Variants in ZNF827 observed in about 807,000 individuals in gnomAD.
ZNF827 encodes zinc finger protein 827.
Under a neutral mutation model 102.4 loss-of-function variants are expected in ZNF827, and 13 were observed. The ratio of observed to expected loss-of-function variants is 0.13; its 90% confidence interval spans 0.08 to 0.20. The LOEUF is 0.20. Ranked by LOEUF, ZNF827 falls within the 10% of genes least tolerant of loss-of-function variation. ZNF827 has a pLI of 1.00. For missense variants in ZNF827, 1,103 were observed against 1,344.4 expected, an observed-to-expected ratio of 0.82 and a Z score of 2.81; for synonymous variants, 523 against 536.2, an observed-to-expected ratio of 0.98 and a Z score of 0.34.
intron 2 of ZNF827, among the ~76,000 whole-genome samples, chr4:145,900,335 T>A (rs1200210858): frequency 6.6e-6 from 1 of 152,174 alleles, no homozygotes; most frequent in Non-Finnish European, 1.5e-5. Flanking sequence ...TCCAGATGAA[T>A]TGTATACTAG....
intron 3 of ZNF827, among the ~76,000 whole-genome samples, chr4:145,886,451 T>C (rs1750127778): frequency 6.6e-6 from 1 of 152,208 alleles, no homozygotes; most frequent in Non-Finnish European, 1.5e-5. Context: ...TCTCAGTTGA[T>C]GTCTTCAGAG....
intron 8 of ZNF827, among the ~76,000 whole-genome samples, chr4:145,792,721 T>C (rs1739882855): frequency 6.6e-6 from 1 of 152,082 alleles, no homozygotes; most frequent in Non-Finnish European, 1.5e-5. Flanking sequence ...ACAGATAATA[T>C]TCAATAATTC....
intron 1 of ZNF827, among the ~76,000 whole-genome samples, chr4:145,922,121 T>A (rs901513945): frequency 6.6e-6 from 1 of 152,202 alleles, no homozygotes; most frequent in Admixed American, 6.5e-5. Context: ...TTCTTTGCCT[T>A]TTGGGGTCTT....
chr4:145,798,862 TGA>T (rs1740619860), intron 8 of ZNF827, among the ~76,000 whole-genome samples: 1 of 152,212 alleles, frequency 6.6e-6, no homozygotes, highest in Non-Finnish European at 1.5e-5. Context: ...TTTTCCACTG[TGA>T]GTTTGTAAAT....
chr4:145,802,958 A>G (rs1741060559), intron 8 of ZNF827, among the ~76,000 whole-genome samples: 2 of 152,152 alleles, frequency 1.3e-5, no homozygotes, highest in Non-Finnish European at 2.9e-5. Context: ...AAAAGAGTGA[A>G]ATAAAATAGG....
chr4:145,835,561 CAA>C lies in ZNF827; in HGVS notation c.2279+10393_2279+10394del, dbSNP rs879750190. On this transcript the variant is annotated intron_variant, in intron 7 of 14. Coordinates refer to ENST00000508784, the MANE Select transcript of ZNF827 (RefSeq NM_001306215.2). The stretch of plus-strand genomic sequence containing the variant: ...TTCCCTGACTATTCCTGGACTACAG[CAA>C]TATCTCATTGCCGCCCTTCTTCCCA... Among the ~76,000 whole-genome samples the C allele has an allele frequency of 9.8e-3, 1,452 of 147,438 alleles. 26 individuals carry two copies. The highest frequency in any genetic ancestry group is 0.052 in the East Asian group (236 of 4,552).
intron 2 of ZNF827, among the ~76,000 whole-genome samples, chr4:145,895,445 C>T (rs1215568862): frequency 1.3e-5 from 2 of 152,080 alleles, no homozygotes; most frequent in African/African-American, 4.8e-5. Flanking sequence ...AAGTTGGGTA[C>T]AAATTAGGGT....
chr4:145,838,007 T>C (rs553099484), intron 7 of ZNF827, among the ~76,000 whole-genome samples: 1 of 152,084 alleles, frequency 6.6e-6, no homozygotes, highest in Non-Finnish European at 1.5e-5. Flanking sequence ...CCCCAACACT[T>C]CAACACTATT....
chr4:145,860,512 A>AT (rs1747593815), intron 5 of ZNF827, among the ~76,000 whole-genome samples: 1 of 152,204 alleles, frequency 6.6e-6, no homozygotes, highest in Non-Finnish European at 1.5e-5. Flanking sequence ...TCGCCATCTG[A>AT]TTTTGTACCT....
intron 13 of ZNF827, 77 bp downstream of exon 13, chr4:145,764,911 G>A (rs1302139085): frequency 1.3e-5 from 21 of 1,601,600 alleles, no homozygotes; most frequent in East Asian, 2.2e-5. Context: ...AAACCTTCAC[G>A]GGAAGGGACG....
chr4:145,806,706 A>G (rs990226566), intron 8 of ZNF827, among the ~76,000 whole-genome samples: 7 of 152,222 alleles, frequency 4.6e-5, no homozygotes, highest in Admixed American at 1.3e-4. Context: ...TTAAACAGAT[A>G]TAACAGAAAT....
intron 4 of ZNF827, among the ~76,000 whole-genome samples, chr4:145,880,423 C>A (rs538006772): frequency 6.6e-6 from 1 of 152,162 alleles, no homozygotes; most frequent in Non-Finnish European, 1.5e-5. Flanking sequence ...GAGTAACTAG[C>A]GTAAGAACTC....
intron 11 of ZNF827, among the ~76,000 whole-genome samples, chr4:145,770,011 A>G (rs1736000667): frequency 6.6e-6 from 1 of 152,196 alleles, no homozygotes; most frequent in South Asian, 2.1e-4. Flanking sequence ...AAGACTCTAG[A>G]TCCAGGCTGG....
At chr4:145,849,621 C>A in intron 5 of ZNF827, 60 bp from the exon 6 acceptor site, 1 of 1,600,606 alleles carries the variant, frequency 6.2e-7, no homozygotes, top group South Asian at 1.1e-5. Context: ...CCAAGCTAGA[C>A]CCAGTTTCTA....
At chr4:145,840,315 G>C (rs1745286171) in intron 7 of ZNF827, among the ~76,000 whole-genome samples, 1 of 152,246 alleles carries the variant, frequency 6.6e-6, no homozygotes, top group Non-Finnish European at 1.5e-5. Flanking sequence ...CACATCTAGA[G>C]GGGCATGATT....
At chr4:145,844,164 G>A (rs542514793) in intron 7 of ZNF827, among the ~76,000 whole-genome samples, 1 of 152,220 alleles carries the variant, frequency 6.6e-6, no homozygotes, top group Admixed American at 6.5e-5. Flanking sequence ...TTAGATGTAG[G>A]AGGGGGCAGG....
intron 8 of ZNF827, among the ~76,000 whole-genome samples, chr4:145,805,642 G>A (rs1021082550): frequency 1.3e-5 from 2 of 152,184 alleles, no homozygotes; most frequent in African/African-American, 4.8e-5. Flanking sequence ...TTAAATGGAA[G>A]TAAGATCATG....
At chr4:145,782,393 G>A (rs1738215742) in intron 8 of ZNF827, among the ~76,000 whole-genome samples, 2 of 152,156 alleles carry the variant, frequency 1.3e-5, no homozygotes. Context: ...CTCAGCAAAT[G>A]CCACACTCTC....
At chr4:145,932,552 G>A (rs925029589) in intron 1 of ZNF827, among the ~76,000 whole-genome samples, 19 of 150,342 alleles carry the variant, frequency 1.3e-4, no homozygotes, top group African/African-American at 4.4e-4. Flanking sequence ...TCGGCTCACT[G>A]CAAACTCCGC....
Sources: allele counts gnomAD v4.1 joint callset (sites outside exome capture counted in the v4.1 genomes callset), GRCh38; gene constraint gnomAD v4.1.1; transcripts MANE v1.5; gene names NCBI Gene and HGNC (gene_info 2026-07-23, HGNC 2026-07-21).